Variants in NCKAP5 observed in about 807,000 individuals in gnomAD.
The protein encoded by NCKAP5 is nck-associated protein 5.
Under a neutral mutation model 167.0 loss-of-function variants are expected in NCKAP5, and 92 were observed. The ratio of observed to expected loss-of-function variants is 0.55; its 90% CI spans 0.47 to 0.66. The LOEUF (loss-of-function observed/expected upper bound fraction) is 0.66. Among genes scored for constraint, NCKAP5 ranks in the 30% least tolerant of loss-of-function variants. The pLI is 0.00. For synonymous variants in NCKAP5, 891 were observed against 877.4 expected, an observed-to-expected ratio of 1.02 and a Z score of -0.27; for missense variants, 2,378 against 2,315.0, an observed-to-expected ratio of 1.03 and a Z score of -0.56.
chr2:133,495,200 A>G (rs894727348), intron 3 of NCKAP5, among the ~76,000 whole-genome samples: 4 of 152,188 alleles, frequency 2.6e-5, no homozygotes, highest in African/African-American at 9.6e-5. Flanking sequence ...TTATATCTCC[A>G]TAAAATGTAT....
chr2:133,341,261 C>T (rs1683563145), intron 3 of NCKAP5, among the ~76,000 whole-genome samples: 1 of 150,496 alleles, frequency 6.6e-6, no homozygotes, highest in South Asian at 2.1e-4. Flanking sequence ...CTATCTTTGA[C>T]TTGTCATTCT....
At chr2:133,253,801 A>T (rs751752710) in intron 4 of NCKAP5, among the ~76,000 whole-genome samples, 20 of 152,216 alleles carry the variant, frequency 1.3e-4, no homozygotes, top group Non-Finnish European at 1.8e-4. Context: ...ATAAATTCAA[A>T]TGTGAGAAAG....
chr2:133,590,683 G>A, the NCKAP5 span, among the ~76,000 whole-genome samples: 1 of 152,104 alleles, frequency 6.6e-6, no homozygotes, highest in Non-Finnish European at 1.5e-5. Context: ...TCAGTTCGTT[G>A]AACTGTCATG....
intron 6 of NCKAP5, among the ~76,000 whole-genome samples, chr2:133,053,839 C>A (rs1294739661): frequency 1.3e-5 from 2 of 152,172 alleles, no homozygotes; most frequent in East Asian, 3.8e-4. Context: ...TTAAGTAATC[C>A]ATTTAAACTG....
chr2:133,243,615 T>G (rs1055837497), intron 4 of NCKAP5, among the ~76,000 whole-genome samples: 2 of 152,204 alleles, frequency 1.3e-5, no homozygotes, highest in Non-Finnish European at 2.9e-5. Flanking sequence ...CACGTTCAAC[T>G]AATCTAAGCC....
At chr2:133,211,703 G>GT (rs990212744) in intron 5 of NCKAP5, among the ~76,000 whole-genome samples, 20 of 152,084 alleles carry the variant, frequency 1.3e-4, no homozygotes, top group South Asian at 2.1e-4. Flanking sequence ...ATAATAAATG[G>GT]TTTTTTTATA....
In NCKAP5 at chr2:132,700,933, G is replaced by T. The variant is rs534972252; in HGVS notation, c.5713+24694C>A. Among the ~76,000 whole-genome samples, 20 of 148,736 alleles carry T rather than the reference G, an allele frequency of 1.3e-4. No individual in the cohort carries two copies. In the East Asian group the frequency reaches 1.6e-3, roughly 12 times the overall value. On this transcript the variant is annotated intron_variant, in intron 19 of 19. Transcript: ENST00000409261. ...ATGCTGGTTACAATCCCCTGGGCGG[G>T]GGGGGGGGCTTTTAAGCAATACTAA...
chr2:133,476,399 C>A (rs1362530440), intron 3 of NCKAP5, among the ~76,000 whole-genome samples: 5 of 152,068 alleles, frequency 3.3e-5, no homozygotes, highest in African/African-American at 7.2e-5. Flanking sequence ...TTTCATTAAC[C>A]AAGGTTCATC....
chr2:132,684,148 C>T (rs1170120035), intron 19 of NCKAP5, among the ~76,000 whole-genome samples: 1 of 152,188 alleles, frequency 6.6e-6, no homozygotes, highest in Non-Finnish European at 1.5e-5. Flanking sequence ...GTCTCACATG[C>T]ACAGGACAAT....
chr2:133,183,588 C>A (rs1013726430), intron 5 of NCKAP5, among the ~76,000 whole-genome samples: 2 of 151,952 alleles, frequency 1.3e-5, no homozygotes, highest in Non-Finnish European at 2.9e-5. Flanking sequence ...AGAGCACTGG[C>A]CAAAAACCAA....
At chr2:132,850,782 A>T (rs994785531) in intron 11 of NCKAP5, among the ~76,000 whole-genome samples, 9 of 152,082 alleles carry the variant, frequency 5.9e-5, no homozygotes, top group Non-Finnish European at 1.5e-5. Flanking sequence ...GTTATTTTAC[A>T]GAAACTCTGC....
intron 4 of NCKAP5, among the ~76,000 whole-genome samples, chr2:133,226,744 G>T (rs1317061089): frequency 1.3e-5 from 2 of 151,830 alleles, no homozygotes; most frequent in Non-Finnish European, 2.9e-5. Flanking sequence ...CAGGAGAGAG[G>T]CATGGAGCAG....
At chr2:133,008,408 C>T (rs1349056501) in intron 6 of NCKAP5, among the ~76,000 whole-genome samples, 1 of 152,192 alleles carries the variant, frequency 6.6e-6, no homozygotes, top group Admixed American at 6.5e-5. Context: ...GAAAAATACA[C>T]TATCAAGCCT....
At chr2:133,050,551 A>G (rs1573871467) in intron 6 of NCKAP5, among the ~76,000 whole-genome samples, 1 of 152,234 alleles carries the variant, frequency 6.6e-6, no homozygotes, top group Non-Finnish European at 1.5e-5. Flanking sequence ...TACTAAATCT[A>G]CTTGGGGAAG....
chr2:132,794,263 T>C (rs7576540), intron 12 of NCKAP5, among the ~76,000 whole-genome samples: 1 of 11,892 alleles, frequency 8.4e-5, no homozygotes, highest in Non-Finnish European at 1.7e-4. Flanking sequence ...TATATATATA[T>C]AGAGAGAGAG....
At chr2:133,505,895 G>A (rs1682962176) in intron 3 of NCKAP5, among the ~76,000 whole-genome samples, 1 of 152,210 alleles carries the variant, frequency 6.6e-6, no homozygotes, top group South Asian at 2.1e-4. Context: ...TCATAACAAT[G>A]TATTTCCTTT....
intron 6 of NCKAP5, among the ~76,000 whole-genome samples, chr2:133,025,792 T>C (rs2078675216): frequency 6.6e-6 from 1 of 152,182 alleles, no homozygotes; most frequent in African/African-American, 2.4e-5. Context: ...GTAGTCATGA[T>C]GAGACTGCCC....
chr2:132,713,404 C>T lies in NCKAP5; in HGVS notation c.5713+12223G>A, dbSNP rs991056241. The stretch of plus-strand genomic sequence containing the variant: ...GTATCTGGAGGAAGATATCTCTTCC[C>T]AAAGAAGGGAGGGAAGACATGTGCT... On this transcript the variant is annotated intron_variant, in intron 19 of 19. Coordinates refer to ENST00000409261, the MANE Select transcript of NCKAP5 (RefSeq NM_207363.3). Among the ~76,000 whole-genome samples the T allele has an allele frequency of 3.9e-5, 6 of 152,120 alleles. No individual in the cohort carries two copies. In the South Asian group the frequency reaches 1.0e-3, roughly 26 times the overall value.
intron 16 of NCKAP5, among the ~76,000 whole-genome samples, chr2:132,734,468 A>G (rs1308270908): frequency 3.3e-5 from 5 of 152,174 alleles, no homozygotes. Flanking sequence ...AGCAGCTGAG[A>G]TGTGTCAGAC....
Sources: allele counts gnomAD v4.1 joint callset (sites outside exome capture counted in the v4.1 genomes callset), GRCh38; gene constraint gnomAD v4.1.1; transcripts MANE v1.5; gene names NCBI Gene and HGNC (gene_info 2026-07-23, HGNC 2026-07-21).